CCBE1: variants seen among roughly 807,000 people sequenced by gnomAD.
CCBE1 encodes collagen and calcium-binding EGF domain-containing protein 1.
Under a neutral mutation model 50.0 loss-of-function variants are expected in CCBE1, and 37 were observed. The observed-to-expected ratio is 0.74, with a 90% CI of 0.57 to 0.97. The LOEUF is 0.97. CCBE1 is among the 50% of genes least tolerant of loss of function. The pLI is 0.00. For synonymous variants in CCBE1, 234 were observed against 203.7 expected (o/e 1.15, Z -1.27); for missense variants, 538 against 523.8 (o/e 1.03, Z -0.26).
rs112193348 is a variant in CCBE1, at chr18:59,630,212, G to A, written c.212+66417C>T. ...TTAGGCTCTGACATTAAAGGGGGCAGCTCGCCAACAAACTGCTGGCAGGAG... is the reference window on the plus strand; with the variant it reads ...TTAGGCTCTGACATTAAAGGGGGCAACTCGCCAACAAACTGCTGGCAGGAG... On this transcript the variant is annotated intron_variant, in intron 2 of 10. Transcript: ENST00000439986. Among the ~76,000 whole-genome samples, 720 of 151,852 alleles carry A rather than the reference G, an allele frequency of 4.7e-3. 11 individuals carry two copies. The highest frequency in any genetic ancestry group is 0.016 in the African/African-American group (674 of 41,374).
chr18:59,487,134 G>A (rs1301784253), intron 2 of CCBE1, among the ~76,000 whole-genome samples: 1 of 147,702 alleles, frequency 6.8e-6, no homozygotes, highest in African/African-American at 2.5e-5. Flanking sequence ...ACACTAGATG[G>A]TGGCTTCCTC....
chr18:59,579,232 C>T (rs2053047554), intron 2 of CCBE1, among the ~76,000 whole-genome samples: 2 of 152,062 alleles, frequency 1.3e-5, no homozygotes, highest in Non-Finnish European at 2.9e-5. Context: ...TCTAGATTTG[C>T]TAAAAGTAGC....
intron 5 of CCBE1, among the ~76,000 whole-genome samples, chr18:59,465,930 C>T (rs555259465): frequency 4.6e-5 from 7 of 152,084 alleles, no homozygotes; most frequent in Non-Finnish European, 1.0e-4. Context: ...CCAGTACACA[C>T]TAGCTTACAA....
chr18:59,449,018 C>G (rs894648898), intron 6 of CCBE1, among the ~76,000 whole-genome samples: 1 of 152,182 alleles, frequency 6.6e-6, no homozygotes, highest in Admixed American at 6.5e-5. Context: ...ATCAGTAAAT[C>G]TACTGCAACC....
chr18:59,517,961 C>G (rs1914445062), intron 2 of CCBE1, among the ~76,000 whole-genome samples: 1 of 152,148 alleles, frequency 6.6e-6, no homozygotes, highest in Non-Finnish European at 1.5e-5. Flanking sequence ...TGTGCTGTCT[C>G]CTATGTCACT....
intron 2 of CCBE1, among the ~76,000 whole-genome samples, chr18:59,659,294 TG>T (rs752885045): frequency 3.1e-5 from 4 of 127,220 alleles, no homozygotes; most frequent in African/African-American, 1.3e-4. Flanking sequence ...AGAATTTACA[TG>T]TTTTTTTTTT....
In CCBE1 at chr18:59,583,049, G is replaced by C. The variant is rs559118591; in HGVS notation, c.213-102811C>G. On this transcript the variant is annotated intron_variant, in intron 2 of 10. Transcript: ENST00000439986. ...GCCCAGGCTAGTCTTGAACTCCTGGGCTTAAGTGATCCTCTCACCTTGGCC... is the reference window on the plus strand; with the variant it reads ...GCCCAGGCTAGTCTTGAACTCCTGGCCTTAAGTGATCCTCTCACCTTGGCC... Among the ~76,000 whole-genome samples the C allele has an allele frequency of 5.3e-5, 8 of 152,248 alleles. No individual in the cohort carries two copies. The South Asian group carries it at 6.2e-4, about 12-fold the overall frequency.
chr18:59,614,016 G>T (rs1171587532), intron 2 of CCBE1, among the ~76,000 whole-genome samples: 1 of 152,020 alleles, frequency 6.6e-6, no homozygotes, highest in African/African-American at 2.4e-5. Flanking sequence ...TGGGATTACA[G>T]GTGCACACTT....
At chr18:59,585,368 G>A (rs1456751756) in intron 2 of CCBE1, among the ~76,000 whole-genome samples, 1 of 151,974 alleles carries the variant, frequency 6.6e-6, no homozygotes. Flanking sequence ...TTTATTTGGT[G>A]AACATCTGAT....
At chr18:59,571,195 C>A (rs1241838821) in intron 2 of CCBE1, among the ~76,000 whole-genome samples, 1 of 152,008 alleles carries the variant, frequency 6.6e-6, no homozygotes, top group African/African-American at 2.4e-5. Context: ...GGCAAGTAAT[C>A]GTATATTATT....
Position 59,438,125 on chromosome 18 carries a change from G to T in CCBE1, c.973C>A (p.Pro325Thr). The T allele has an allele frequency of 6.2e-7, 1 of 1,614,102 alleles. No individual in the cohort carries two copies. The highest frequency in any genetic ancestry group is 8.5e-7 in the Non-Finnish European group (1 of 1,180,008). ...GSKGERGAPGPRGSPGPPGSF... is the reference protein window; with the variant it reads ...GSKGERGAPGTRGSPGPPGSF... ...GTGCTACTTACTGGAGACCCTCTGGGCCCAGGCGCTCCTCTCTCCCCCTAA... is the reference window on the plus strand; with the variant it reads ...GTGCTACTTACTGGAGACCCTCTGGTCCCAGGCGCTCCTCTCTCCCCCTAA... Residue 325 changes from proline to threonine, a missense_variant, in exon 10 of 11, where the codon CCC (proline) becomes ACC (threonine). By Grantham distance (38) the Pro-to-Thr change is conservative (BLOSUM62 -1). Transcript: ENST00000439986.
At chr18:59,502,117 T>A (rs1178245896) in intron 2 of CCBE1, among the ~76,000 whole-genome samples, 1 of 152,206 alleles carries the variant, frequency 6.6e-6, no homozygotes, top group Non-Finnish European at 1.5e-5. Context: ...TCAGCATTTT[T>A]AAAAGGCAGC....
At chr18:59,552,871 T>C (rs1915978807) in intron 2 of CCBE1, among the ~76,000 whole-genome samples, 1 of 152,204 alleles carries the variant, frequency 6.6e-6, no homozygotes, top group Non-Finnish European at 1.5e-5. Context: ...GTTTCCTCCT[T>C]GAATTGATGC....
At chr18:59,613,193 G>T (rs534546194) in intron 2 of CCBE1, among the ~76,000 whole-genome samples, 1 of 152,150 alleles carries the variant, frequency 6.6e-6, no homozygotes, top group South Asian at 2.1e-4. Context: ...GATGGGGTGG[G>T]GGGTGGTAGA....
chr18:59,605,363 G>T (rs560823310), intron 2 of CCBE1, among the ~76,000 whole-genome samples: 1 of 152,336 alleles, frequency 6.6e-6, no homozygotes, highest in African/African-American at 2.4e-5. Context: ...TCCTTATAGA[G>T]AACAGGTGGG....
chr18:59,631,291 C>A (rs954747576), intron 2 of CCBE1, among the ~76,000 whole-genome samples: 1 of 151,888 alleles, frequency 6.6e-6, no homozygotes, highest in Non-Finnish European at 1.5e-5. Context: ...GGGAAAGAGG[C>A]TGAATCCTGA....
At chr18:59,650,013 A>G (rs530373944) in intron 2 of CCBE1, among the ~76,000 whole-genome samples, 1 of 152,020 alleles carries the variant, frequency 6.6e-6, no homozygotes, top group Non-Finnish European at 1.5e-5. Flanking sequence ...GGGGTGGGGG[A>G]GCACAGGTGA....
chr18:59,461,729 CTT>C (rs36013463), intron 5 of CCBE1, among the ~76,000 whole-genome samples: 8 of 109,312 alleles, frequency 7.3e-5, no homozygotes, highest in South Asian at 3.1e-4. Flanking sequence ...CAGGTGTAAT[CTT>C]TTTTTTTTTT....
rs995571613 is a variant in CCBE1 at position 59,433,068 on chromosome 18, T to C, written c.*2840A>G. 6.6e-5 allele frequency: 10 copies of C among 152,116 alleles called. No individual in the cohort carries two copies. The highest frequency in any genetic ancestry group is 1.4e-4 in the African/African-American group (6 of 41,416). 9.4% of individuals were successfully genotyped at this position (152,116 alleles called of 1,614,324 possible). ...AACAGCTGTTCAGTTCCTCTCTCTA[T>C]AAACCCGTGGTTGGTGTGGCCCTCT... is the stretch of plus-strand genomic sequence containing the variant. On this transcript the variant is annotated 3_prime_UTR_variant, in exon 11 of 11. Transcript: ENST00000439986.
Sources: gnomAD v4.1 joint callset for allele counts (sites outside exome capture counted in the v4.1 genomes callset) on GRCh38, gnomAD v4.1.1 for gene constraint, MANE v1.5 for transcripts, NCBI Gene and HGNC (gene_info 2026-07-23, HGNC 2026-07-21) for gene names.